The following MLLT3 variants were observed in gnomAD, a reference collection of about 807,000 sequenced individuals.
MLLT3 encodes MLLT3 super elongation complex subunit, also known as protein AF-9.
In MLLT3, 4 loss-of-function variants were observed where a neutral mutation model predicts 53.2. The ratio of observed to expected loss-of-function variants is 0.08; its 90% confidence interval spans 0.04 to 0.17. The LOEUF (loss-of-function observed/expected upper bound fraction) is 0.17, where lower values mean the gene tolerates loss of function less well. Among genes scored for constraint, MLLT3 ranks in the 10% least tolerant of loss-of-function variants. The pLI is 1.00. For missense variants in MLLT3, 569 were observed against 684.0 expected (o/e 0.83, Z 1.87); for synonymous variants, 283 against 230.6 (o/e 1.23, Z -2.06).
intron 2 of MLLT3, among the ~76,000 whole-genome samples, chr9:20,614,055 G>A (rs1461184382): frequency 6.6e-6 from 1 of 152,168 alleles, no homozygotes; most frequent in Non-Finnish European, 1.5e-5. Flanking sequence ...AAGATGATAT[G>A]CCACAAGGGT....
chr9:20,515,159 GC>G (rs1817876996), intron 2 of MLLT3, among the ~76,000 whole-genome samples: 1 of 151,938 alleles, frequency 6.6e-6, no homozygotes, highest in Non-Finnish European at 1.5e-5. Flanking sequence ...TGTTGGCCAG[GC>G]TGGTCTCAAA....
At chr9:20,360,871 C>G in intron 7 of MLLT3, 30 bp from the exon 8 acceptor site, 1 of 1,552,188 alleles carries the variant, frequency 6.4e-7, no homozygotes, top group Non-Finnish European at 8.9e-7. Context: ...TTATGCACAT[C>G]ATTACAAACA....
chr9:20,474,503 C>A (rs1345655149), intron 2 of MLLT3, among the ~76,000 whole-genome samples: 2 of 152,062 alleles, frequency 1.3e-5, no homozygotes, highest in African/African-American at 4.8e-5. Context: ...ATACACGAGT[C>A]TCCTCATCCA....
chr9:20,461,004 A>G (rs900807607), intron 2 of MLLT3, among the ~76,000 whole-genome samples: 1 of 152,174 alleles, frequency 6.6e-6, no homozygotes, highest in African/African-American at 2.4e-5. Flanking sequence ...AATATTCAAC[A>G]GCCGTAAATA....
intron 2 of MLLT3, among the ~76,000 whole-genome samples, chr9:20,463,422 A>C (rs928521441): frequency 6.6e-6 from 1 of 151,908 alleles, no homozygotes; most frequent in African/African-American, 2.4e-5. Flanking sequence ...AGCTATGTTA[A>C]AACAGGACTG....
chr9:20,493,156 T>C (rs1824994140), intron 2 of MLLT3, among the ~76,000 whole-genome samples: 1 of 152,008 alleles, frequency 6.6e-6, no homozygotes, highest in African/African-American at 2.4e-5. Flanking sequence ...ATAAACTTTT[T>C]CTTATTATTA....
At chr9:20,459,914 A>T (rs1824068038) in intron 2 of MLLT3, among the ~76,000 whole-genome samples, 1 of 152,222 alleles carries the variant, frequency 6.6e-6, no homozygotes, top group Non-Finnish European at 1.5e-5. Context: ...TTTTACACAC[A>T]ATAAACAGGC....
rs75759635 is a variant in MLLT3, at chr9:20,602,365, C to G, written c.193+18289G>C. 9.4e-3 allele frequency among the ~76,000 whole-genome samples: 1,436 copies of G among 152,168 alleles called. 50 individuals carry two copies. The East Asian group carries it at 0.12, about 13-fold the overall frequency. ...ATAGTATTTATTCAATGTAGCAAAA[C>G]TCATTCAAGCTAGAAGCTTTCAATA... is the stretch of plus-strand genomic sequence containing the variant. On this transcript the variant is annotated intron_variant, in intron 2 of 10. Coordinates refer to ENST00000380338, the MANE Select transcript of MLLT3 (RefSeq NM_004529.4).
At chr9:20,546,644 T>C (rs1818796273) in intron 2 of MLLT3, among the ~76,000 whole-genome samples, 1 of 152,110 alleles carries the variant, frequency 6.6e-6, no homozygotes, top group Non-Finnish European at 1.5e-5. Flanking sequence ...TGACCCTGTA[T>C]GGCAGATGCA....
intron 2 of MLLT3, among the ~76,000 whole-genome samples, chr9:20,585,315 C>G (rs939983778): frequency 6.6e-6 from 1 of 152,118 alleles, no homozygotes; most frequent in African/African-American, 2.4e-5. Flanking sequence ...ACATCCTGTC[C>G]CTTCTTATAA....
At chr9:20,613,341 T>G (rs546414157) in intron 2 of MLLT3, among the ~76,000 whole-genome samples, 1 of 152,212 alleles carries the variant, frequency 6.6e-6, no homozygotes, top group African/African-American at 2.4e-5. Context: ...CCTCTTCACG[T>G]TGATTTTAAG....
intron 5 of MLLT3, among the ~76,000 whole-genome samples, chr9:20,392,100 C>T (rs1053688387): frequency 1.3e-5 from 2 of 152,084 alleles, no homozygotes; most frequent in East Asian, 1.9e-4. Flanking sequence ...TTTGCTTATC[C>T]GAGGCCTCCT....
chr9:20,354,952 G>T (rs1821133111), intron 8 of MLLT3, 73 bp from the exon 9 acceptor site: 2 of 971,102 alleles, frequency 2.1e-6, no homozygotes, highest in Non-Finnish European at 1.7e-6. Flanking sequence ...CCTAAACAAA[G>T]GCATCCACTG....
At chr9:20,548,129 T>C (rs1030075412) in intron 2 of MLLT3, among the ~76,000 whole-genome samples, 2 of 152,234 alleles carry the variant, frequency 1.3e-5, no homozygotes, top group African/African-American at 2.4e-5. Flanking sequence ...TTTCCATTAA[T>C]TGAATCAAGC....
intron 2 of MLLT3, among the ~76,000 whole-genome samples, chr9:20,538,164 C>T (rs772742604): frequency 6.6e-6 from 1 of 152,130 alleles, no homozygotes; most frequent in African/African-American, 2.4e-5. Flanking sequence ...AATTTAGCTA[C>T]TATTCTCACT....
chr9:20,446,704 G>A (rs572021006), intron 4 of MLLT3, among the ~76,000 whole-genome samples: 2 of 152,120 alleles, frequency 1.3e-5, no homozygotes, highest in South Asian at 4.1e-4. Flanking sequence ...GATTGTTAAT[G>A]GCATAGCCAT....
chr9:20,567,674 T>C (rs1043187968), intron 2 of MLLT3, among the ~76,000 whole-genome samples: 8 of 152,200 alleles, frequency 5.3e-5, no homozygotes, highest in African/African-American at 1.2e-4. Flanking sequence ...CCCAGATTTA[T>C]AGAATGGTCC....
At chr9:20,519,957 T>C (rs1308325806) in intron 2 of MLLT3, among the ~76,000 whole-genome samples, 1 of 152,184 alleles carries the variant, frequency 6.6e-6, no homozygotes, top group Non-Finnish European at 1.5e-5. Flanking sequence ...TAAATGCCCA[T>C]CTATGGTAGA....
chr9:20,392,999 T>A (rs956663834), intron 5 of MLLT3, among the ~76,000 whole-genome samples: 4 of 152,050 alleles, frequency 2.6e-5, no homozygotes, highest in Non-Finnish European at 4.4e-5. Flanking sequence ...CTACTAAAAA[T>A]ACAAAATTAG....
Sources: allele counts gnomAD v4.1 joint callset (sites outside exome capture counted in the v4.1 genomes callset), GRCh38; gene constraint gnomAD v4.1.1; transcripts MANE v1.5; gene names NCBI Gene and HGNC (gene_info 2026-07-23, HGNC 2026-07-21).